HIVEP1: variants seen among roughly 807,000 people sequenced by gnomAD.
HIVEP1 encodes HIVEP zinc finger 1.
HIVEP1 carries 36 observed loss-of-function variants against 180.0 expected under a neutral mutation model. That is an observed-to-expected ratio of 0.20 (90% confidence interval 0.15 to 0.26). The LOEUF is 0.26. HIVEP1 is among the 10% of genes least tolerant of loss of function. The probability of loss-of-function intolerance (pLI) is 1.00; values close to 1 mark genes in which losing one functional copy is unlikely to be tolerated. For missense variants in HIVEP1, 3,143 were observed against 3,268.7 expected, an observed-to-expected ratio of 0.96 and a Z score of 0.94; for synonymous variants, 1,239 against 1,239.0, an observed-to-expected ratio of 1.00 and a Z score of 0.00.
intron 3 of HIVEP1, among the ~76,000 whole-genome samples, chr6:12,095,007 T>G (rs1773705431): frequency 6.6e-6 from 1 of 152,040 alleles, no homozygotes; most frequent in South Asian, 2.1e-4. Context: ...ATTTTTCTTA[T>G]AATTTATCCA....
chr6:12,174,581 T>C, the HIVEP1 span, among the ~76,000 whole-genome samples: 1 of 152,324 alleles, frequency 6.6e-6, no homozygotes, highest in East Asian at 1.9e-4. Context: ...TGTTTTGTTT[T>C]GTAACTAAAC....
chr6:12,146,712 A>T (rs1223513514), intron 7 of HIVEP1, among the ~76,000 whole-genome samples: 1 of 152,114 alleles, frequency 6.6e-6, no homozygotes, highest in African/African-American at 2.4e-5. Context: ...TTCCAGGTTG[A>T]TAAAGATCTG....
intron 7 of HIVEP1, among the ~76,000 whole-genome samples, chr6:12,154,954 C>T (rs1243661121): frequency 2.0e-5 from 3 of 152,006 alleles, no homozygotes; most frequent in African/African-American, 4.8e-5. Flanking sequence ...CCTTGCCTTT[C>T]TCTATTTTTC....
At chr6:12,074,074 A>G (rs1772166748) in intron 2 of HIVEP1, among the ~76,000 whole-genome samples, 2 of 152,148 alleles carry the variant, frequency 1.3e-5, no homozygotes, top group Admixed American at 1.3e-4. Flanking sequence ...TGCATTGTTT[A>G]CTGTATGTTA....
chr6:12,164,624 AT>A lies in HIVEP1; in HGVS notation c.*168del. 3.3e-6 allele frequency: 2 copies of A among 606,866 alleles called. No individual in the cohort carries two copies. The highest frequency in any genetic ancestry group is 5.6e-6 in the Non-Finnish European group (2 of 354,148). 37.6% of individuals were successfully genotyped at this position (606,866 alleles called of 1,614,324 possible). ...TTGTTGTTTTGTGTCAGCTCCAGCC[AT>A]TTTTGTACATGTTGTATAGACAATT... On this transcript the variant is annotated 3_prime_UTR_variant, in exon 9 of 9. Transcript: ENST00000379388.
chr6:12,089,565 GCATGTGTGTT>G (rs1773328239), intron 3 of HIVEP1, among the ~76,000 whole-genome samples: 1 of 151,870 alleles, frequency 6.6e-6, no homozygotes, highest in Non-Finnish European at 1.5e-5. Context: ...CCGTGTCCAT[GCATGTGTGTT>G]CATGTGTGCA....
Position 12,124,817 on chromosome 6 carries a change from T to TA in HIVEP1, c.5023dup (p.Ser1675LysfsTer7), listed in dbSNP as rs1484341767. On this transcript the variant is annotated frameshift_variant, in exon 4 of 9. Transcript: ENST00000379388. LOFTEE classifies it high-confidence loss of function. ...ATCAGCCAATTTGCCAGACTAATCA[T>TA]AGTGTAGTGCCAATCAGTGAAGAAC... 6.2e-7 allele frequency: 1 copy of TA among 1,614,032 alleles called. No individual in the cohort carries two copies. The highest frequency in any genetic ancestry group is 1.3e-5 in the African/African-American group (1 of 74,920).
In HIVEP1 at chr6:12,063,237, A is replaced by G. The variant is rs1298704364; in HGVS notation, c.41-25947A>G. On this transcript the variant is annotated intron_variant, in intron 2 of 8. Transcript: ENST00000379388. The surrounding 1 kb of genome is among the most constrained non-coding windows in gnomAD (Gnocchi z 4.2). ...GAGTTTTTCAACCTCAGCTCCATTTATGATTTGGCCTAGATAATTCTTTGT... is the reference window on the plus strand; with the variant it reads ...GAGTTTTTCAACCTCAGCTCCATTTGTGATTTGGCCTAGATAATTCTTTGT... Among the ~76,000 whole-genome samples the G allele has an allele frequency of 1.3e-5, 2 of 152,118 alleles. No homozygotes were observed. The highest frequency in any genetic ancestry group is 2.9e-5 in the Non-Finnish European group (2 of 68,020).
rs1220604730 is a variant in HIVEP1, at chr6:12,085,972, A to C, written c.41-3212A>C. Among the ~76,000 whole-genome samples, 3 of 152,142 alleles carry C rather than the reference A, an allele frequency of 2.0e-5. 1 individual carries two copies. Among genetic ancestry groups the C allele is most frequent in the Admixed American group, 2.0e-4 (3 of 15,260 alleles). ...GAGACTTCTTTTATGATTATTTGTG[A>C]GTGTTGAAAATGAGATATTTTTGCA... On this transcript the variant is annotated intron_variant, in intron 2 of 8. Coordinates refer to ENST00000379388, the MANE Select transcript of HIVEP1 (RefSeq NM_002114.4).
At chr6:12,013,973 A>G (rs951313187) in intron 1 of HIVEP1, among the ~76,000 whole-genome samples, 2 of 152,216 alleles carry the variant, frequency 1.3e-5, no homozygotes, top group Non-Finnish European at 2.9e-5. Context: ...ATAAATTTCT[A>G]AAACCTTATA....
At chr6:12,088,639 C>G (rs1220858051) in intron 2 of HIVEP1, among the ~76,000 whole-genome samples, 1 of 152,074 alleles carries the variant, frequency 6.6e-6, no homozygotes. Flanking sequence ...TATAGTACCT[C>G]TTGAATGCAG....
In HIVEP1 at chr6:12,095,896, T is replaced by G. The variant is rs188428695; in HGVS notation, c.94+6659T>G. Among the ~76,000 whole-genome samples the G allele has an allele frequency of 2.6e-5, 4 of 152,110 alleles. No homozygotes were observed. The East Asian group carries it at 7.7e-4, about 29-fold the overall frequency. ...GTGATAGTTGAATTTCTGGTACAGT[T>G]TTATTTCTGTTCTAACTTACCTTTT... On this transcript the variant is annotated intron_variant, in intron 3 of 8. Transcript: ENST00000379388.
At chr6:12,068,640 GAT>G (rs751563522) in intron 2 of HIVEP1, among the ~76,000 whole-genome samples, 4 of 152,094 alleles carry the variant, frequency 2.6e-5, no homozygotes, top group Non-Finnish European at 5.9e-5. Context: ...TATTTGTGAA[GAT>G]ATATGTGTAA....
the HIVEP1 span, among the ~76,000 whole-genome samples, chr6:12,206,349 G>A: frequency 1.3e-5 from 2 of 152,132 alleles, no homozygotes; most frequent in African/African-American, 2.4e-5. Flanking sequence ...TGGCCAGGCC[G>A]GTCTTGAACT....
At chr6:12,053,765 C>T (rs1770683062) in intron 2 of HIVEP1, among the ~76,000 whole-genome samples, 1 of 152,186 alleles carries the variant, frequency 6.6e-6, no homozygotes, top group Non-Finnish European at 1.5e-5. Flanking sequence ...CCTTCCCCCA[C>T]AAAACAGAAA....
rs998519563 is a variant in HIVEP1 at position 12,121,690 on chromosome 6, A to G, written c.1895A>G (p.Glu632Gly). ...CAGAAAGGCGACATGAATCCACTGG[A>G]AGGAAAGCAAGACTCTCACGTAGGA... ...SHQKGDMNPL[E>G]GKQDSHVGTV... Residue 632 changes from glutamate to glycine, a missense_variant, in exon 4 of 9, where the codon GAA becomes GGA. Transcript: ENST00000379388. The surrounding 1 kb of genome is among the most constrained non-coding windows in gnomAD (Gnocchi z 5.3). 2 of 1,614,190 alleles carry G rather than the reference A, an allele frequency of 1.2e-6. No homozygotes were observed. The highest frequency in any genetic ancestry group is 2.7e-5 in the African/African-American group (2 of 75,052).
At chr6:12,113,793 T>C (rs578125430) in intron 3 of HIVEP1, among the ~76,000 whole-genome samples, 1 of 152,322 alleles carries the variant, frequency 6.6e-6, no homozygotes, top group East Asian at 1.9e-4. Flanking sequence ...GACTTGTCCC[T>C]CTCTGCCTGT....
At chr6:12,168,751 G>A (rs1760827388), downstream of HIVEP1, among the ~76,000 whole-genome samples, 1 of 151,856 alleles carries the variant, frequency 6.6e-6, no homozygotes, top group East Asian at 1.9e-4. Context: ...CATTATACGA[G>A]ATATTCTAGA....
the HIVEP1 span, among the ~76,000 whole-genome samples, chr6:12,199,213 T>C: frequency 6.6e-6 from 1 of 152,176 alleles, no homozygotes; most frequent in African/African-American, 2.4e-5. Flanking sequence ...TAACATCTAT[T>C]CCAACAGAAT....
Sources: gnomAD v4.1 joint callset for allele counts (sites outside exome capture counted in the v4.1 genomes callset) on GRCh38, gnomAD v4.1.1 for gene constraint, Gnocchi (gnomAD v3.1) non-coding constraint, MANE v1.5 for transcripts, NCBI Gene and HGNC (gene_info 2026-07-23, HGNC 2026-07-21) for gene names.